Variants in ACY1 observed in about 807,000 individuals in gnomAD.
ACY1 encodes the protein aminoacylase-1.
In ACY1, 38 loss-of-function variants were observed where a neutral mutation model predicts 53.3. That is an observed-to-expected ratio of 0.71 (90% CI 0.55 to 0.93). The LOEUF is 0.93. ACY1 is among the 40% of genes least tolerant of loss of function. The probability of loss-of-function intolerance (pLI) is 0.00; values close to 1 mark genes in which losing one functional copy is unlikely to be tolerated. For missense variants in ACY1, 484 were observed against 540.9 expected, an observed-to-expected ratio of 0.89 and a Z score of 1.04; for synonymous variants, 177 against 202.1, an observed-to-expected ratio of 0.88 and a Z score of 1.05.
At position 51,989,157 on chromosome 3, in the gene ACY1, TAA is replaced by T. The variant is rs1459729730; in HGVS notation, c.*84_*85del. Reference sequence around the variant, plus strand: ...ACCTCCTCTTCCCCCTTCCAAATAATAAAGTCTATGGACAGGGCTGTCTCTGA... The same window carrying T: ...ACCTCCTCTTCCCCCTTCCAAATAATAGTCTATGGACAGGGCTGTCTCTGA... On this transcript the variant is annotated 3_prime_UTR_variant, in exon 15 of 15. Transcript: ENST00000636358. 12 of 1,572,280 alleles carry T rather than the reference TAA, an allele frequency of 7.6e-6. No homozygotes were observed. Among genetic ancestry groups the T allele is most frequent in the African/African-American group, 1.3e-5 (1 of 74,166 alleles).
chr3:51,985,370 G>A lies in ACY1; in HGVS notation c.169G>A (p.Gly57Ser), dbSNP rs1312929942. 2 of 1,614,204 alleles carry A rather than the reference G, an allele frequency of 1.2e-6. No individual in the cohort carries two copies. Among genetic ancestry groups the A allele is most frequent in the Non-Finnish European group, 1.7e-6 (2 of 1,180,038 alleles). ...TCCTGACCATCTCCAGGTGGCACCT[G>A]GCTATGTGGTGACCGTGTTGACCTG... ...LGCQKVEVAP[G>S]YVVTVLTWPG... The change falls in exon 4 of 15, where the codon GGC becomes AGC. Residue 57 changes from glycine to serine, a missense_variant. Transcript: ENST00000636358.
Position 51,989,004 on chromosome 3 carries a change from C to T in ACY1, c.1156C>T (p.Arg386Cys), listed in dbSNP as rs2229152. Residue 386 changes from arginine to cysteine, a missense_variant, in exon 15 of 15, where the codon CGT (arginine) becomes TGT (cysteine). By Grantham distance (180) the Arg-to-Cys change is radical. Transcript: ENST00000636358. ...ACGGCTGCATGAGGCTGTGTTCCTC[C>T]GTGGGGTGGACATATATACACGCCT... ...DERLHEAVFL[R>C]GVDIYTRLLP... 2,077 of 1,614,126 alleles carry T rather than the reference C, an allele frequency of 1.3e-3. 12 individuals carry two copies. The African/African-American group carries it at 0.018, about 14-fold the overall frequency.
Position 51,984,144 on chromosome 3 carries a change from C to T in ACY1, c.80C>T (p.Pro27Leu). The change falls in exon 2 of 15, where the codon CCC becomes CTC. Residue 27 changes from proline to leucine, a missense_variant. Physicochemically the swap from Pro to Leu is moderately conservative, Grantham distance 98. Coordinates refer to ENST00000636358, the MANE Select transcript of ACY1 (RefSeq NM_000666.3). ...RQYLRIRTVQPKPDYGAAVAF... is the reference protein window; with the variant it reads ...RQYLRIRTVQLKPDYGAAVAF... The stretch of plus-strand genomic sequence containing the variant: ...TACCTGCGTATCCGCACTGTCCAGC[C>T]CAAGCCTGACTATGGTGAGAAGACG... 1 of 1,613,974 alleles carries T rather than the reference C, an allele frequency of 6.2e-7. No homozygotes were observed. The highest frequency in any genetic ancestry group is 8.5e-7 in the Non-Finnish European group (1 of 1,180,022).
intron 8 of ACY1, 22 bp from the exon 9 acceptor site, chr3:51,986,966 C>G (rs1254662228): frequency 6.2e-7 from 1 of 1,610,862 alleles, no homozygotes; most frequent in Admixed American, 1.7e-5. Context: ...GAAGACACTG[C>G]CTTCCCCCTA....
chr3:51,988,737 C>T (rs1403545208), intron 13 of ACY1, 29 bp from the exon 14 acceptor site: 15 of 1,613,408 alleles, frequency 9.3e-6, no homozygotes, highest in Non-Finnish European at 1.3e-5. Context: ...CTTTCTCCCT[C>T]CCCATTCATC....
chr3:51,987,038 G>A lies in ACY1; in HGVS notation c.634G>A (p.Glu212Lys), dbSNP rs754683815. Residue 212 changes from glutamate to lysine, a missense_variant, in exon 9 of 15, where the codon GAG (glutamate) becomes AAG (lysine). Transcript: ENST00000636358. ...GRPGHASRFM[E>K]DTAAEKLHKV... ...GCCAGGCCATGCCTCACGCTTCATG[G>A]AGGACACAGCAGCAGAGAAGCTGGT... 2 of 1,613,730 alleles carry A rather than the reference G, an allele frequency of 1.2e-6. No individual in the cohort carries two copies. Among genetic ancestry groups the A allele is most frequent in the South Asian group, 2.2e-5 (2 of 91,064 alleles).
Position 51,988,939 on chromosome 3 carries a change from C to G in ACY1, c.1091C>G (p.Pro364Arg). The change falls in exon 15 of 15, where the codon CCC becomes CGC. Residue 364 changes from proline to arginine, a missense_variant. Physicochemically the swap from Pro to Arg is moderately radical, Grantham distance 103 (BLOSUM62 -2). Coordinates refer to ENST00000636358, the MANE Select transcript of ACY1 (RefSeq NM_000666.3). ...AVGVPALGFSPMNRTPVLLHD... is the reference protein window; with the variant it reads ...AVGVPALGFSRMNRTPVLLHD... ...GGGGTCCCAGCTCTAGGCTTCTCAC[C>G]CATGAACCGCACACCTGTGCTGCTG... The G allele has an allele frequency of 6.2e-7, 1 of 1,614,236 alleles. No homozygotes were observed. Among genetic ancestry groups the G allele is most frequent in the East Asian group, 2.2e-5 (1 of 44,884 alleles).
chr3:51,987,268 CTT>C (rs1168571542), intron 10 of ACY1, 39 bp from the exon 11 acceptor site: 3 of 1,614,074 alleles, frequency 1.9e-6, no homozygotes, highest in South Asian at 1.1e-5. Context: ...TGAGCCACCT[CTT>C]TTATCTGTTG....
At chr3:51,984,491 G>T (rs62259755) in intron 2 of ACY1, 63,503 of 431,794 alleles carry the variant, frequency 0.15, 5,434 homozygotes, top group South Asian at 0.25. Flanking sequence ...CACTGGGGCT[G>T]GACAAAGGCC....
rs911073583 is a variant in ACY1, at chr3:51,984,028, C to A, written c.-18-19C>A. ...TCCAGGGTCTTGGAGGGGTAGTTAGCCATTCACTTTGCCCCCAGCTCACCA... is the reference window on the plus strand; with the variant it reads ...TCCAGGGTCTTGGAGGGGTAGTTAGACATTCACTTTGCCCCCAGCTCACCA... On this transcript the variant is annotated intron_variant, in intron 1 of 14. Transcript: ENST00000636358. 3.8e-6 allele frequency: 6 copies of A among 1,570,330 alleles called. No individual in the cohort carries two copies. The highest frequency in any genetic ancestry group is 3.3e-5 in the Admixed American group (2 of 59,990).
At chr3:51,986,788 C>A in intron 8 of ACY1, 127 bp downstream of exon 8, 1 of 1,342,672 alleles carries the variant, frequency 7.4e-7, no homozygotes, top group Non-Finnish European at 1.1e-6. Context: ...GGGCCTCTAC[C>A]TCCCAGCTCT....
Position 51,989,131 on chromosome 3 carries a change from G to A in ACY1, c.*56G>A, listed in dbSNP as rs1326254449. 5.0e-6 allele frequency: 8 copies of A among 1,601,872 alleles called. 1 individual carries two copies. The Middle Eastern group carries it at 9.3e-4, about 185-fold the overall frequency. Reference sequence around the variant, plus strand: ...GGCTTCCATCCCAACCAGTGCCAAGGACCTCCTCTTCCCCCTTCCAAATAA... The same window carrying A: ...GGCTTCCATCCCAACCAGTGCCAAGAACCTCCTCTTCCCCCTTCCAAATAA... On this transcript the variant is annotated 3_prime_UTR_variant, in exon 15 of 15. Coordinates refer to ENST00000636358, the MANE Select transcript of ACY1 (RefSeq NM_000666.3).
chr3:51,986,756 G>T, intron 8 of ACY1, 95 bp downstream of exon 8: 1 of 1,500,100 alleles, frequency 6.7e-7, no homozygotes. Context: ...CAAAGTTGAG[G>T]CCTGAGAAGG....
intron 12 of ACY1, 87 bp downstream of exon 12, chr3:51,987,711 G>T: frequency 7.3e-7 from 1 of 1,361,728 alleles, no homozygotes. Context: ...TGGTGTGTCT[G>T]CATATGTCTG....
chr3:51,985,373 T>TATGTGGTGACCGTGTTGACCTGGCC lies in ACY1; in HGVS notation c.174_198dup (p.Gly67CysfsTer39). On this transcript the variant is annotated frameshift_variant, in exon 4 of 15. Transcript: ENST00000636358. LOFTEE classifies it high-confidence loss of function. Reference sequence around the variant, plus strand: ...TGACCATCTCCAGGTGGCACCTGGCTATGTGGTGACCGTGTTGACCTGGCC... The same window carrying TATGTGGTGACCGTGTTGACCTGGCC: ...TGACCATCTCCAGGTGGCACCTGGCTATGTGGTGACCGTGTTGACCTGGCCATGTGGTGACCGTGTTGACCTGGCC... 6.2e-7 allele frequency: 1 copy of TATGTGGTGACCGTGTTGACCTGGCC among 1,614,146 alleles called. No individual in the cohort carries two copies. Among genetic ancestry groups the TATGTGGTGACCGTGTTGACCTGGCC allele is most frequent in the Non-Finnish European group, 8.5e-7 (1 of 1,180,018 alleles).
At chr3:51,985,140 G>T in intron 2 of ACY1, 67 bp from the exon 3 acceptor site, 1 of 1,534,232 alleles carries the variant, frequency 6.5e-7, no homozygotes, top group East Asian at 2.4e-5. Context: ...TCCACTCTCC[G>T]GGCTGCCTGG....
intron 11 of ACY1, 28 bp downstream of exon 11, chr3:51,987,481 G>A: frequency 2.5e-6 from 4 of 1,614,138 alleles, no homozygotes; most frequent in Non-Finnish European, 3.4e-6. Flanking sequence ...GTTTGGAGGA[G>A]GGATCCTGGG....
intron 1 of ACY1, 96 bp downstream of exon 1, chr3:51,983,685 T>G: frequency 6.9e-6 from 2 of 288,522 alleles, no homozygotes; most frequent in Non-Finnish European, 6.6e-6. Context: ...TGTTTTTTGT[T>G]TTTGTTTTTG....
chr3:51,987,838 TATGGTGAA>T (rs1343046950), intron 12 of ACY1: 3 of 581,530 alleles, frequency 5.2e-6, no homozygotes, highest in Admixed American at 3.1e-5. Flanking sequence ...CATGCCCTTG[TATGGTGAA>T]ACGGGGAGAT....
Sources: gnomAD v4.1 joint callset for allele counts on GRCh38, gnomAD v4.1.1 for gene constraint, MANE v1.5 for transcripts, NCBI Gene and HGNC (gene_info 2026-07-23, HGNC 2026-07-21) for gene names.